Variants in MTSS1 observed in about 807,000 individuals in gnomAD.
MTSS1 encodes MTSS I-BAR domain containing 1, also known as protein MTSS 1.
A neutral mutation model predicts 79.0 loss-of-function variants in MTSS1; 18 were observed. The ratio of observed to expected loss-of-function variants is 0.23; its 90% CI spans 0.16 to 0.34. MTSS1 has a LOEUF of 0.34. Among genes scored for constraint, MTSS1 ranks in the 10% least tolerant of loss-of-function variants. The pLI, the probability that MTSS1 is intolerant of heterozygous loss-of-function variation, is 1.00. For synonymous variants in MTSS1, 341 were observed against 368.6 expected (o/e 0.93, Z 0.86); for missense variants, 815 against 986.2 (o/e 0.83, Z 2.33).
chr8:124,679,322 G>C (rs1172152543), intron 3 of MTSS1, among the ~76,000 whole-genome samples: 2 of 152,146 alleles, frequency 1.3e-5, no homozygotes, highest in African/African-American at 2.4e-5. Context: ...AATTCACAAG[G>C]GTCTTGTGTT....
chr8:124,598,968 G>A (rs966641180), intron 3 of MTSS1, among the ~76,000 whole-genome samples: 3 of 152,196 alleles, frequency 2.0e-5, no homozygotes, highest in African/African-American at 7.2e-5. Flanking sequence ...ACCACTCAAT[G>A]GCTTGTGACT....
intron 6 of MTSS1, chr8:124,580,468 G>T: frequency 6.9e-7 from 1 of 1,453,436 alleles, no homozygotes; most frequent in Non-Finnish European, 9.3e-7. Context: ...TGGGCAGCTA[G>T]CAGAGGTCTG....
At chr8:124,705,164 T>C (rs1685656865) in intron 1 of MTSS1, among the ~76,000 whole-genome samples, 1 of 152,122 alleles carries the variant, frequency 6.6e-6, no homozygotes, top group Non-Finnish European at 1.5e-5. Context: ...GTATTTGGCA[T>C]TGATCATTTA....
At chr8:124,641,460 C>T (rs1047036239) in intron 3 of MTSS1, among the ~76,000 whole-genome samples, 6 of 152,216 alleles carry the variant, frequency 3.9e-5, no homozygotes, top group Non-Finnish European at 7.3e-5. Flanking sequence ...ACAGTTAAAA[C>T]AAGATTCCTT....
intron 10 of MTSS1, among the ~76,000 whole-genome samples, chr8:124,562,070 G>A (rs1563752110): frequency 2.0e-5 from 3 of 152,218 alleles, no homozygotes; most frequent in Non-Finnish European, 4.4e-5. Flanking sequence ...GTTCAAGGCC[G>A]ACACCAACCC....
chr8:124,565,803 G>A (rs1386185227), intron 8 of MTSS1, 44 bp from the exon 9 acceptor site: 1 of 1,481,768 alleles, frequency 6.7e-7, no homozygotes, highest in Middle Eastern at 2.0e-4. Flanking sequence ...GCTGAGAGGG[G>A]AAGCGTTAGC....
intron 3 of MTSS1, among the ~76,000 whole-genome samples, chr8:124,629,412 G>A (rs1815400703): frequency 6.7e-6 from 1 of 149,528 alleles, no homozygotes; most frequent in Non-Finnish European, 1.5e-5. Context: ...AGCTACTTGG[G>A]AGGCTGAGGC....
chr8:124,686,093 AG>A, intron 3 of MTSS1, among the ~76,000 whole-genome samples: 1 of 152,228 alleles, frequency 6.6e-6, no homozygotes, highest in Non-Finnish European at 1.5e-5. Flanking sequence ...TCACCCTGAC[AG>A]GCAGGTACGG....
At chr8:124,556,806 G>C (rs778941947) in intron 11 of MTSS1, among the ~76,000 whole-genome samples, 1 of 152,232 alleles carries the variant, frequency 6.6e-6, no homozygotes. Context: ...ATGGCCACCA[G>C]CGAGCACTAA....
chr8:124,666,240 C>T (rs1823049731), intron 3 of MTSS1, among the ~76,000 whole-genome samples: 1 of 152,220 alleles, frequency 6.6e-6, no homozygotes, highest in African/African-American at 2.4e-5. Flanking sequence ...GCTTAAGAAA[C>T]TGTTGAATCA....
chr8:124,716,742 C>T (rs1282699713), intron 1 of MTSS1, among the ~76,000 whole-genome samples: 1 of 152,094 alleles, frequency 6.6e-6, no homozygotes, highest in East Asian at 1.9e-4. Flanking sequence ...TGTCCCTTTG[C>T]GCCCTTGGAA....
In MTSS1 at chr8:124,557,752, G is replaced by T; in HGVS notation, c.1159C>A (p.Leu387Ile). 6.2e-7 allele frequency: 1 copy of T among 1,604,094 alleles called. No individual in the cohort carries two copies. The highest frequency in any genetic ancestry group is 2.3e-5 in the East Asian group (1 of 44,440). Residue 387 changes from leucine (L) to isoleucine (I), a missense_variant, in exon 11 of 14, where the codon CTT (leucine) becomes ATT (isoleucine). By Grantham distance (5) the Leu-to-Ile change is conservative (BLOSUM62 2). This residue lies in a region of MTSS1 where 590 missense variants were observed against 620.8 expected (regional missense o/e 0.95). Transcript: ENST00000518547. ...RLLPRVTSVHLPDYAHYYTIG... is the reference protein window; with the variant it reads ...RLLPRVTSVHIPDYAHYYTIG... ...GTGTAATAATGAGCGTAGTCTGGAA[G>T]GTGGACAGAGGTGACCCGAGGGAGC...
chr8:124,625,027 T>C (rs1325244300), intron 3 of MTSS1, among the ~76,000 whole-genome samples: 2 of 152,214 alleles, frequency 1.3e-5, no homozygotes, highest in Admixed American at 1.3e-4. Context: ...CCTGGGTGTG[T>C]GGATTTCAGA....
intron 3 of MTSS1, among the ~76,000 whole-genome samples, chr8:124,607,128 A>C (rs757219731): frequency 6.6e-6 from 1 of 152,256 alleles, no homozygotes; most frequent in African/African-American, 2.4e-5. Flanking sequence ...AGACATGCCA[A>C]GCTTCGCGTT....
rs566609512 is a variant in MTSS1, at chr8:124,670,027, G to A, written c.208+29499C>T. Among the ~76,000 whole-genome samples, 4 of 152,306 alleles carry A rather than the reference G, an allele frequency of 2.6e-5. No individual in the cohort carries two copies. In the East Asian group the frequency reaches 7.7e-4, roughly 29 times the overall value. On this transcript the variant is annotated intron_variant, in intron 3 of 13. Transcript: ENST00000518547. ...GGATACAGAGAACACAAGACAAAGTGCTGCCCTCATGGAGCCTACATGCTA... is the reference window on the plus strand; with the variant it reads ...GGATACAGAGAACACAAGACAAAGTACTGCCCTCATGGAGCCTACATGCTA...
intron 3 of MTSS1, among the ~76,000 whole-genome samples, chr8:124,643,555 A>T (rs1237547528): frequency 6.6e-6 from 1 of 152,036 alleles, no homozygotes; most frequent in Non-Finnish European, 1.5e-5. Flanking sequence ...AAAATTAGCC[A>T]GGCGTGGTGG....
At chr8:124,617,138 C>T (rs1020097019) in intron 3 of MTSS1, among the ~76,000 whole-genome samples, 2 of 152,176 alleles carry the variant, frequency 1.3e-5, no homozygotes, top group Non-Finnish European at 2.9e-5. Context: ...TGTCAGACTT[C>T]GAGTCCATGC....
chr8:124,700,253 A>C (rs1379212476), intron 2 of MTSS1, among the ~76,000 whole-genome samples: 1 of 152,210 alleles, frequency 6.6e-6, no homozygotes, highest in Non-Finnish European at 1.5e-5. Context: ...TAAGTGGTAG[A>C]GGTGAAATTA....
chr8:124,711,532 A>T (rs1319431354), intron 1 of MTSS1, among the ~76,000 whole-genome samples: 2 of 152,182 alleles, frequency 1.3e-5, no homozygotes, highest in Non-Finnish European at 1.5e-5. Context: ...AGGGCTGCAA[A>T]GAGTGGCTTA....
Sources: gnomAD v4.1 joint callset for allele counts (sites outside exome capture counted in the v4.1 genomes callset) on GRCh38, gnomAD v4.1.1 for gene constraint, gnomAD v4.1.1 regional missense constraint, MANE v1.5 for transcripts, NCBI Gene and HGNC (gene_info 2026-07-23, HGNC 2026-07-21) for gene names.